Variants in CACNA2D3 observed in about 807,000 individuals in gnomAD.
The protein encoded by CACNA2D3 is calcium voltage-gated channel auxiliary subunit alpha2delta 3, also known as voltage-dependent calcium channel subunit alpha-2/delta-3.
Under a neutral mutation model 160.6 loss-of-function variants are expected in CACNA2D3, and 60 were observed. The ratio of observed to expected loss-of-function variants is 0.37; its 90% CI spans 0.30 to 0.46. The LOEUF (loss-of-function observed/expected upper bound fraction) is 0.46. CACNA2D3 is among the 20% of genes least tolerant of loss of function. The pLI is 1.00. For synonymous variants in CACNA2D3, 558 were observed against 492.9 expected, an observed-to-expected ratio of 1.13 and a Z score of -1.75; for missense variants, 1,205 against 1,365.0, an observed-to-expected ratio of 0.88 and a Z score of 1.85.
intron 13 of CACNA2D3, among the ~76,000 whole-genome samples, chr3:54,810,282 C>G (rs1400207519): frequency 6.6e-6 from 1 of 152,162 alleles, no homozygotes; most frequent in Non-Finnish European, 1.5e-5. Flanking sequence ...TGGAGTGAAC[C>G]TGGAGAGACC....
chr3:54,325,706 A>G (rs1704108640), intron 3 of CACNA2D3, among the ~76,000 whole-genome samples: 2 of 152,340 alleles, frequency 1.3e-5, no homozygotes, highest in South Asian at 2.1e-4. Flanking sequence ...AATTAGTTGT[A>G]TCTAAAAGAA....
At chr3:54,535,103 T>C (rs1019174555) in intron 5 of CACNA2D3, among the ~76,000 whole-genome samples, 1 of 152,260 alleles carries the variant, frequency 6.6e-6, no homozygotes, top group African/African-American at 2.4e-5. Flanking sequence ...TGGTTCATTC[T>C]CTGCTGTATT....
At chr3:54,333,246 C>A (rs1324196076) in intron 3 of CACNA2D3, among the ~76,000 whole-genome samples, 1 of 152,070 alleles carries the variant, frequency 6.6e-6, no homozygotes, top group Non-Finnish European at 1.5e-5. Context: ...GTCCATTTTA[C>A]TCTGCTCCCC....
chr3:54,721,405 T>A (rs1386505619), intron 11 of CACNA2D3, among the ~76,000 whole-genome samples: 1 of 152,178 alleles, frequency 6.6e-6, no homozygotes, highest in African/African-American at 2.4e-5. Flanking sequence ...GCTGTCATTT[T>A]AAAGAATGTT....
intron 4 of CACNA2D3, among the ~76,000 whole-genome samples, chr3:54,424,009 C>A (rs1699876679): frequency 6.6e-6 from 1 of 152,026 alleles, no homozygotes; most frequent in African/African-American, 2.4e-5. Flanking sequence ...ACAGCTCAGC[C>A]TTCCAAGTAG....
intron 10 of CACNA2D3, among the ~76,000 whole-genome samples, chr3:54,632,987 C>T (rs935031974): frequency 3.3e-5 from 5 of 152,174 alleles, no homozygotes; most frequent in Non-Finnish European, 5.9e-5. Context: ...GCTGCGTCTG[C>T]TCATTAACTC....
chr3:54,460,414 A>G (rs1449366939), intron 4 of CACNA2D3, among the ~76,000 whole-genome samples: 3 of 152,156 alleles, frequency 2.0e-5, no homozygotes, highest in Admixed American at 2.0e-4. Context: ...TGAGCATGGA[A>G]TGTTCTTCCA....
chr3:54,767,276 TTAGAA>T (rs750115300), intron 13 of CACNA2D3, among the ~76,000 whole-genome samples: 4 of 152,098 alleles, frequency 2.6e-5, no homozygotes, highest in Non-Finnish European at 5.9e-5. Flanking sequence ...GAAAAAAACT[TTAGAA>T]TATAGTAGTA....
intron 16 of CACNA2D3, among the ~76,000 whole-genome samples, chr3:54,839,297 C>G (rs1308166501): frequency 2.0e-5 from 3 of 152,062 alleles, no homozygotes; most frequent in Non-Finnish European, 4.4e-5. Context: ...TTCTTAGACC[C>G]CATCCAGAAA....
chr3:55,022,764 C>T (rs1445294963), intron 35 of CACNA2D3, among the ~76,000 whole-genome samples: 1 of 150,806 alleles, frequency 6.6e-6, no homozygotes, highest in African/African-American at 2.4e-5. Flanking sequence ...TAGTAGTTGC[C>T]CTTTGCCTTT....
At chr3:54,931,953 G>A (rs570075177) in intron 27 of CACNA2D3, among the ~76,000 whole-genome samples, 5 of 152,212 alleles carry the variant, frequency 3.3e-5, no homozygotes, top group African/African-American at 1.2e-4. Context: ...GGCTAAGGTG[G>A]GTGGATCACT....
At chr3:54,677,623 G>C (rs1254839053) in intron 11 of CACNA2D3, among the ~76,000 whole-genome samples, 3 of 112,376 alleles carry the variant, frequency 2.7e-5, no homozygotes, top group South Asian at 3.8e-4. Context: ...TTTTTTTTGG[G>C]GGGGGGGCAA....
chr3:54,801,459 G>A (rs1213582769), intron 13 of CACNA2D3, among the ~76,000 whole-genome samples: 1 of 152,078 alleles, frequency 6.6e-6, no homozygotes, highest in East Asian at 1.9e-4. Flanking sequence ...AGTTGAGAGG[G>A]TGCCTAACAA....
intron 27 of CACNA2D3, among the ~76,000 whole-genome samples, chr3:54,926,505 TACACACACACACAC>T (rs36205023): frequency 0.062 from 8,918 of 143,382 alleles, 409 homozygotes; most frequent in African/African-American, 0.12. Context: ...GCCTGTCAAA[TACACACACACACAC>T]ACACACACAC....
chr3:55,055,511 T>A (rs1220318098), intron 35 of CACNA2D3, among the ~76,000 whole-genome samples: 1 of 152,124 alleles, frequency 6.6e-6, no homozygotes, highest in Non-Finnish European at 1.5e-5. Context: ...TTTTTACTTA[T>A]GATGGCCTTG....
In CACNA2D3 at chr3:54,806,399, T is replaced by C. The variant is rs146846482; in HGVS notation, c.1381-10454T>C. ...TGTACAAAAATCACAAGCATTCTTA[T>C]ACACCAATAGCGGACAAACAGAGAA... On this transcript the variant is annotated intron_variant, in intron 13 of 37. Transcript: ENST00000474759. 3.9e-3 allele frequency among the ~76,000 whole-genome samples: 600 copies of C among 152,324 alleles called. 6 individuals are homozygous for C. The highest frequency in any genetic ancestry group is 0.014 in the African/African-American group (584 of 41,570).
At chr3:54,798,982 A>G (rs78117064) in intron 13 of CACNA2D3, among the ~76,000 whole-genome samples, 2,341 of 152,282 alleles carry the variant, frequency 0.015, 55 homozygotes, top group African/African-American at 0.052. Context: ...ATGATAGAGT[A>G]ATTTATTTTT....
intron 2 of CACNA2D3, among the ~76,000 whole-genome samples, chr3:54,154,570 A>C (rs185994300): frequency 2.3e-4 from 35 of 152,262 alleles, no homozygotes; most frequent in African/African-American, 8.4e-4. Context: ...TATAGCCATA[A>C]TATGCCAGTT....
intron 11 of CACNA2D3, among the ~76,000 whole-genome samples, chr3:54,715,757 A>G (rs534198245): frequency 1.2e-4 from 18 of 152,324 alleles, no homozygotes; most frequent in African/African-American, 4.1e-4. Flanking sequence ...TATGTAATGG[A>G]ATATTATTCA....
Sources: allele counts gnomAD v4.1 joint callset (sites outside exome capture counted in the v4.1 genomes callset), GRCh38; gene constraint gnomAD v4.1.1; transcripts MANE v1.5; gene names NCBI Gene and HGNC (gene_info 2026-07-23, HGNC 2026-07-21).